ASH1L: variants seen among roughly 807,000 people sequenced by gnomAD.
ASH1L encodes ASH1 like histone lysine methyltransferase, also known as histone-lysine N-methyltransferase ASH1L.
ASH1L carries 23 observed loss-of-function variants against 269.0 expected under a neutral mutation model. The observed-to-expected ratio is 0.09, with a 90% CI of 0.06 to 0.12. The LOEUF (loss-of-function observed/expected upper bound fraction) is 0.12, where lower values mean the gene tolerates loss of function less well. ASH1L is among the 10% of genes least tolerant of loss of function. The pLI, the probability that ASH1L is intolerant of heterozygous loss-of-function variation, is 1.00. For missense variants in ASH1L, 2,912 were observed against 3,567.8 expected (o/e 0.82, Z 4.68); for synonymous variants, 1,187 against 1,253.5 (o/e 0.95, Z 1.12).
chr1:155,359,530 C>CTTT (rs1476503583), intron 13 of ASH1L, among the ~76,000 whole-genome samples: 2 of 152,154 alleles, frequency 1.3e-5, no homozygotes, highest in Non-Finnish European at 2.9e-5. Context: ...CTGCCTTGGC[C>CTTT]TCCCAAAGTG....
chr1:155,415,991 T>TAAAAA, intron 5 of ASH1L, 68 bp from the exon 6 acceptor site: 1 of 1,033,058 alleles, frequency 9.7e-7, no homozygotes, highest in Non-Finnish European at 1.3e-6. Flanking sequence ...ATTGTCTACT[T>TAAAAA]AAAAAAAAAA....
At chr1:155,514,388 A>C (rs937106084) in intron 2 of ASH1L, among the ~76,000 whole-genome samples, 1 of 152,240 alleles carries the variant, frequency 6.6e-6, no homozygotes, top group African/African-American at 2.4e-5. Flanking sequence ...ACTATAAATA[A>C]AACAGGTAAT....
Position 155,370,485 on chromosome 1 carries a change from C to A in ASH1L, c.6686+19G>T, listed in dbSNP as rs1558038835. ...TTATTCTGCTGGATTCTTGTCTTCACCTTCTTTTGCTTCCTTACCATTTCT... is the reference window on the plus strand; with the variant it reads ...TTATTCTGCTGGATTCTTGTCTTCAACTTCTTTTGCTTCCTTACCATTTCT... On this transcript the variant is annotated intron_variant, in intron 12 of 27. Transcript: ENST00000392403. 1 of 1,612,842 alleles carries A rather than the reference C, an allele frequency of 6.2e-7. No individual in the cohort carries two copies. The highest frequency in any genetic ancestry group is 1.3e-5 in the African/African-American group (1 of 74,864).
intron 1 of ASH1L, among the ~76,000 whole-genome samples, chr1:155,547,211 A>G (rs1377879972): frequency 6.6e-6 from 1 of 151,520 alleles, no homozygotes; most frequent in Non-Finnish European, 1.5e-5. Flanking sequence ...TTGGCCTCCC[A>G]AAGTGCTGGG....
Position 155,357,580 on chromosome 1 carries a change from T to C in ASH1L, c.6960+5A>G, listed in dbSNP as rs1269860404. ...TTTGGGGAAAGTCATTAGATAATTA[T>C]TCACCCTTTTCTTCAGCTTGTGCTT... On this transcript the variant is annotated splice_donor_5th_base_variant and intron_variant, in intron 14 of 27. Coordinates refer to ENST00000392403, the MANE Select transcript of ASH1L (RefSeq NM_018489.3). The C allele has an allele frequency of 6.2e-7, 1 of 1,613,982 alleles. No individual in the cohort carries two copies. The highest frequency in any genetic ancestry group is 2.2e-5 in the East Asian group (1 of 44,882).
At chr1:155,456,556 T>A (rs1663877483) in intron 4 of ASH1L, among the ~76,000 whole-genome samples, 1 of 152,174 alleles carries the variant, frequency 6.6e-6, no homozygotes, top group Non-Finnish European at 1.5e-5. Flanking sequence ...TCGAGTTTCT[T>A]AGGTCTCCGT....
At chr1:155,561,261 T>C (rs183434109) in intron 1 of ASH1L, among the ~76,000 whole-genome samples, 88 of 149,922 alleles carry the variant, frequency 5.9e-4, no homozygotes, top group Admixed American at 1.7e-3. Context: ...ACCCATTCTT[T>C]ACAACTTTGT....
chr1:155,531,680 A>C (rs932767131), intron 1 of ASH1L, among the ~76,000 whole-genome samples: 7 of 152,332 alleles, frequency 4.6e-5, no homozygotes, highest in Admixed American at 4.6e-4. Context: ...GAGAAATACT[A>C]CATTTCCCTA....
chr1:155,505,458 ACT>A (rs1212925972), intron 2 of ASH1L, among the ~76,000 whole-genome samples: 1 of 152,152 alleles, frequency 6.6e-6, no homozygotes, highest in Non-Finnish European at 1.5e-5. Flanking sequence ...GAATGTTGTG[ACT>A]CTGCACTAGA....
intron 2 of ASH1L, among the ~76,000 whole-genome samples, chr1:155,483,338 A>G (rs1164464183): frequency 6.6e-6 from 1 of 152,228 alleles, no homozygotes; most frequent in Admixed American, 6.5e-5. Context: ...TGGCATTTAG[A>G]AAAATTGATT....
intron 6 of ASH1L, among the ~76,000 whole-genome samples, chr1:155,401,917 C>T (rs371609098): frequency 5.9e-5 from 9 of 151,888 alleles, no homozygotes; most frequent in Non-Finnish European, 7.4e-5. Context: ...GGTGAAACCC[C>T]GCCTCTACTA....
chr1:155,463,966 G>A (rs1205937511), intron 3 of ASH1L, among the ~76,000 whole-genome samples: 1 of 152,164 alleles, frequency 6.6e-6, no homozygotes, highest in African/African-American at 2.4e-5. Flanking sequence ...GTAGGAAAAA[G>A]TTACTCTGAG....
chr1:155,490,045 T>C (rs1182853217), intron 2 of ASH1L, among the ~76,000 whole-genome samples: 4 of 151,066 alleles, frequency 2.6e-5, no homozygotes, highest in Non-Finnish European at 4.4e-5. Context: ...CTCGGCTCAC[T>C]GCAAACTCCG....
intron 3 of ASH1L, among the ~76,000 whole-genome samples, chr1:155,469,977 C>T (rs962984640): frequency 3.3e-5 from 5 of 152,180 alleles, no homozygotes; most frequent in African/African-American, 1.2e-4. Context: ...CCATATCAAA[C>T]CATTAACACT....
chr1:155,472,336 C>T (rs1004525581), intron 3 of ASH1L, among the ~76,000 whole-genome samples: 3 of 152,102 alleles, frequency 2.0e-5, no homozygotes, highest in African/African-American at 7.2e-5. Context: ...TCGTACTTAA[C>T]ACAGGTACTT....
At chr1:155,498,625 G>A (rs1667308686) in intron 2 of ASH1L, among the ~76,000 whole-genome samples, 2 of 151,982 alleles carry the variant, frequency 1.3e-5, no homozygotes, top group East Asian at 1.9e-4. Flanking sequence ...AGTTTTAGTC[G>A]AGATGGGGTT....
At chr1:155,549,118 T>C (rs918456894) in intron 1 of ASH1L, among the ~76,000 whole-genome samples, 8 of 152,204 alleles carry the variant, frequency 5.3e-5, no homozygotes, top group African/African-American at 1.9e-4. Flanking sequence ...AGAGATGATT[T>C]AGAGTATACA....
At chr1:155,473,689 T>C (rs963504258) in intron 3 of ASH1L, among the ~76,000 whole-genome samples, 2 of 151,998 alleles carry the variant, frequency 1.3e-5, no homozygotes, top group Non-Finnish European at 2.9e-5. Context: ...TCTGTAGAGA[T>C]GGGAGGCTCC....
At chr1:155,370,687 A>G in intron 11 of ASH1L, 37 bp from the exon 12 acceptor site, 1 of 1,612,352 alleles carries the variant, frequency 6.2e-7, no homozygotes. Context: ...ACAATTAAAG[A>G]GTAGCTGAAA....
Sources: gnomAD v4.1 joint callset for allele counts (sites outside exome capture counted in the v4.1 genomes callset) on GRCh38, gnomAD v4.1.1 for gene constraint, MANE v1.5 for transcripts, NCBI Gene and HGNC (gene_info 2026-07-23, HGNC 2026-07-21) for gene names.